PLAAT2: variants seen among roughly 807,000 people sequenced by gnomAD.
The protein encoded by PLAAT2 is HRAS like suppressor 2.
Under a neutral mutation model 12.8 loss-of-function variants are expected in PLAAT2, and 12 were observed. That is an observed-to-expected ratio of 0.94 (90% CI 0.60 to 1.52). PLAAT2 has a LOEUF of 1.52. Ranked by LOEUF, PLAAT2 falls within the 40% of genes most tolerant of loss-of-function variation. The probability of loss-of-function intolerance (pLI) is 0.00; values close to 1 mark genes in which losing one functional copy is unlikely to be tolerated. For missense variants in PLAAT2, 166 were observed against 208.1 expected, an observed-to-expected ratio of 0.80 and a Z score of 1.24; for synonymous variants, 79 against 86.8, an observed-to-expected ratio of 0.91 and a Z score of 0.50.
At chr11:63,555,321 G>GA (rs35930900) in intron 3 of PLAAT2, among the ~76,000 whole-genome samples, 2 of 151,736 alleles carry the variant, frequency 1.3e-5, no homozygotes, top group Non-Finnish European at 1.5e-5. Flanking sequence ...AAAACATTTG[G>GA]AAAAAAAATT....
At chr11:63,562,083 C>A (rs988425969) in intron 1 of PLAAT2, among the ~76,000 whole-genome samples, 1 of 152,136 alleles carries the variant, frequency 6.6e-6, no homozygotes, top group Non-Finnish European at 1.5e-5. Flanking sequence ...TACAACAAAC[C>A]CCAAAGCTAC....
At chr11:63,554,351 C>CG (rs944812794) in intron 3 of PLAAT2, among the ~76,000 whole-genome samples, 23 of 149,418 alleles carry the variant, frequency 1.5e-4, no homozygotes, top group East Asian at 8.1e-4. Context: ...ACGCAAAGGC[C>CG]GGGGGGGCGG....
intron 3 of PLAAT2, 27 bp downstream of exon 3, chr11:63,558,365 G>A (rs1156299773): frequency 6.2e-6 from 10 of 1,608,200 alleles, no homozygotes; most frequent in Admixed American, 1.7e-5. Flanking sequence ...CTGGCTCCTG[G>A]GAAGGGGATG....
In PLAAT2 at chr11:63,554,690, C is replaced by T. The variant is rs545644525; in HGVS notation, c.388-1625G>A. Among the ~76,000 whole-genome samples, 10 of 150,722 alleles carry T rather than the reference C, an allele frequency of 6.6e-5. No individual in the cohort carries two copies. The East Asian group carries it at 1.9e-3, about 29-fold the overall frequency. On this transcript the variant is annotated intron_variant, in intron 3 of 3. Transcript: ENST00000255695. ...GCCACACAGCTGACAAGTGACAAGG[C>T]TCAGATCTGCCTGACTTCCCAACAG...
At chr11:63,555,176 T>G (rs1565239473) in intron 3 of PLAAT2, among the ~76,000 whole-genome samples, 1 of 152,212 alleles carries the variant, frequency 6.6e-6, no homozygotes, top group Non-Finnish European at 1.5e-5. Context: ...AGAGGCTCTA[T>G]CCTTCCTGAT....
intron 1 of PLAAT2, among the ~76,000 whole-genome samples, chr11:63,561,132 T>C (rs778755151): frequency 1.9e-4 from 29 of 152,116 alleles, no homozygotes; most frequent in Non-Finnish European, 2.8e-4. Flanking sequence ...CAAAGTCTGG[T>C]GGGGAGCTAT....
intron 3 of PLAAT2, among the ~76,000 whole-genome samples, chr11:63,557,328 C>T (rs896222971): frequency 6.6e-6 from 1 of 152,054 alleles, no homozygotes; most frequent in Non-Finnish European, 1.5e-5. Context: ...GAGTTCAAGA[C>T]CAGCCTGGAC....
chr11:63,553,055 G>A lies in PLAAT2; in HGVS notation c.398C>T (p.Ala133Val), dbSNP rs748881759. The change falls in exon 4 of 4, where the codon GCA becomes GTA. Residue 133 changes from alanine (A) to valine (V), a missense_variant. Ala to Val is a moderately conservative substitution (Grantham distance 64, BLOSUM62 0). Coordinates refer to ENST00000255695, the MANE Select transcript of PLAAT2 (RefSeq NM_017878.2). ...TGCTGCCACACCTACTGTCGTGACT[G>A]CACCAGTGACCTGCAGCAGAAGAGA... ...GVSRSDQVTG[A>V]VTTVGVAAGL... The A allele has an allele frequency of 5.0e-6, 8 of 1,611,624 alleles. No homozygotes were observed. The East Asian group carries it at 1.8e-4, about 36-fold the overall frequency.
chr11:63,563,274 G>GC (rs2017534439), intron 1 of PLAAT2, 42 bp downstream of exon 1: 2 of 1,612,672 alleles, frequency 1.2e-6, no homozygotes, highest in Admixed American at 3.3e-5. Flanking sequence ...TAGGGTGGTT[G>GC]TTCCTCAAAT....
intron 3 of PLAAT2, among the ~76,000 whole-genome samples, chr11:63,556,759 G>T (rs138988754): frequency 3.4e-4 from 52 of 152,240 alleles, no homozygotes; most frequent in African/African-American, 1.2e-3. Context: ...TGAATCTACG[G>T]TGCACAGGCT....
At position 63,558,621 on chromosome 11, in the gene PLAAT2, G is replaced by A; in HGVS notation, c.158C>T (p.Ala53Val). The change falls in exon 3 of 4, where the codon GCC becomes GTC. Residue 53 changes from alanine to valine, a missense_variant. Coordinates refer to ENST00000255695, the MANE Select transcript of PLAAT2 (RefSeq NM_017878.2). ...AGAGAASVLS[A>V]LTNKAIVKKE... ...CTTCACTATGGCTTTGTTGGTCAGG[G>A]CAGACAGGACACTGGCCGCACCAGC... 6.2e-7 allele frequency: 1 copy of A among 1,614,224 alleles called. No homozygotes were observed. Among genetic ancestry groups the A allele is most frequent in the Non-Finnish European group, 8.5e-7 (1 of 1,180,042 alleles).
At chr11:63,553,342 T>C (rs144860567) in intron 3 of PLAAT2, among the ~76,000 whole-genome samples, 1 of 152,138 alleles carries the variant, frequency 6.6e-6, no homozygotes, top group African/African-American at 2.4e-5. Context: ...CACCTGTGGG[T>C]ATTAAAAGCA....
intron 3 of PLAAT2, among the ~76,000 whole-genome samples, chr11:63,553,921 G>C (rs2017441731): frequency 6.6e-6 from 1 of 152,212 alleles, no homozygotes; most frequent in Admixed American, 6.5e-5. Flanking sequence ...GGCCCATGAG[G>C]AGCATTGAGG....
Position 63,563,154 on chromosome 11 carries a change from G to A in PLAAT2, c.9+162C>T, listed in dbSNP as rs377465154. 5.5e-4 allele frequency among the ~76,000 whole-genome samples: 84 copies of A among 152,278 alleles called. 1 individual carries two copies. The South Asian group carries it at 0.017, about 31-fold the overall frequency. ...TCCAGGGTCATAACCCAGCACCGTG[G>A]TTCCTTCCCACAGTGTCTGAGAGAG... On this transcript the variant is annotated intron_variant, in intron 1 of 3. Coordinates refer to ENST00000255695, the MANE Select transcript of PLAAT2 (RefSeq NM_017878.2).
At chr11:63,563,715 C>CAAAA (rs35852892), upstream of PLAAT2, among the ~76,000 whole-genome samples, 24 of 56,074 alleles carry the variant, frequency 4.3e-4, no homozygotes, top group South Asian at 1.4e-3. Context: ...GAGACTCAGT[C>CAAAA]AAAAAAAAAA....
At chr11:63,554,496 C>T (rs1013589013) in intron 3 of PLAAT2, among the ~76,000 whole-genome samples, 2 of 152,034 alleles carry the variant, frequency 1.3e-5, no homozygotes, top group Middle Eastern at 3.4e-3. Context: ...GGCATGGTGG[C>T]GGGTGCCTAT....
At chr11:63,562,872 C>T (rs2017530818) in intron 1 of PLAAT2, among the ~76,000 whole-genome samples, 1 of 152,162 alleles carries the variant, frequency 6.6e-6, no homozygotes, top group South Asian at 2.1e-4. Context: ...TGACAGCCCC[C>T]ATTGCCACCC....
upstream of PLAAT2, among the ~76,000 whole-genome samples, chr11:63,563,916 G>C (rs1407800154): frequency 6.6e-6 from 1 of 152,070 alleles, no homozygotes; most frequent in Non-Finnish European, 1.5e-5. Context: ...CAATCACCAA[G>C]TTTCAGGTGG....
At chr11:63,563,292 T>C (rs1249455568) in intron 1 of PLAAT2, 24 bp downstream of exon 1, 2 of 1,613,938 alleles carry the variant, frequency 1.2e-6, no homozygotes, top group South Asian at 2.2e-5. Flanking sequence ...AATCAAAGCT[T>C]TAAAACCGTT....
Sources: gnomAD v4.1 joint callset for allele counts (sites outside exome capture counted in the v4.1 genomes callset) on GRCh38, gnomAD v4.1.1 for gene constraint, MANE v1.5 for transcripts, NCBI Gene and HGNC (gene_info 2026-07-23, HGNC 2026-07-21) for gene names.